Variants in ERC2 observed in about 807,000 individuals in gnomAD.
The protein encoded by ERC2 is ELKS/RAB6-interacting/CAST family member 2, also known as ERC protein 2.
A neutral mutation model predicts 114.8 loss-of-function variants in ERC2; 42 were observed. The ratio of observed to expected loss-of-function variants is 0.37; its 90% confidence interval spans 0.29 to 0.47. The LOEUF is 0.47. Among genes scored for constraint, ERC2 ranks in the 20% least tolerant of loss-of-function variants. The pLI is 0.99. For synonymous variants in ERC2, 454 were observed against 425.5 expected (o/e 1.07, Z -0.82); for missense variants, 939 against 1,150.7 (o/e 0.82, Z 2.66).
chr3:55,953,250 T>C (rs984936939), intron 12 of ERC2, among the ~76,000 whole-genome samples: 9 of 151,450 alleles, frequency 5.9e-5, no homozygotes, highest in African/African-American at 2.2e-4. Context: ...TGGGGTACTC[T>C]AGTTTTGACA....
chr3:55,903,759 T>C (rs2064272167), intron 13 of ERC2, among the ~76,000 whole-genome samples: 1 of 152,218 alleles, frequency 6.6e-6, no homozygotes, highest in South Asian at 2.1e-4. Context: ...GATAACTGTG[T>C]ACGCACAGCC....
intron 3 of ERC2, among the ~76,000 whole-genome samples, chr3:56,285,024 C>CACAT (rs1560520921): frequency 2.5e-5 from 3 of 120,766 alleles, no homozygotes; most frequent in Admixed American, 8.9e-5. Context: ...CACACACACA[C>CACAT]ACACACATAC....
At chr3:55,588,566 C>T (rs563480048) in intron 17 of ERC2, among the ~76,000 whole-genome samples, 1 of 152,302 alleles carries the variant, frequency 6.6e-6, no homozygotes, top group Non-Finnish European at 1.5e-5. Context: ...CTCACCTGTG[C>T]CCCATCCATC....
intron 15 of ERC2, among the ~76,000 whole-genome samples, chr3:55,700,770 C>T (rs2063185622): frequency 6.6e-6 from 1 of 152,150 alleles, no homozygotes; most frequent in African/African-American, 2.4e-5. Context: ...TACCATGGCT[C>T]TATAACCACA....
intron 17 of ERC2, among the ~76,000 whole-genome samples, chr3:55,590,075 T>C (rs1389847229): frequency 6.6e-6 from 1 of 152,224 alleles, no homozygotes; most frequent in Non-Finnish European, 1.5e-5. Context: ...ATACATTTTT[T>C]TGAAGGTGGC....
chr3:55,959,411 C>A (rs1253512183), intron 12 of ERC2, among the ~76,000 whole-genome samples: 1 of 152,276 alleles, frequency 6.6e-6, no homozygotes, highest in Admixed American at 6.5e-5. Context: ...TTCAGGAAGA[C>A]CCCAAGGATG....
At chr3:55,942,797 T>C (rs190806762) in intron 13 of ERC2, among the ~76,000 whole-genome samples, 1 of 152,346 alleles carries the variant, frequency 6.6e-6, no homozygotes, top group East Asian at 1.9e-4. Context: ...TTAATAGTTG[T>C]ATTTTCCTTT....
At chr3:55,972,629 G>T (rs1255688303) in intron 12 of ERC2, among the ~76,000 whole-genome samples, 1 of 152,176 alleles carries the variant, frequency 6.6e-6, no homozygotes, top group Non-Finnish European at 1.5e-5. Flanking sequence ...TGGCTGCATA[G>T]TATTCCATGG....
At chr3:55,962,072 G>C (rs974552021) in intron 12 of ERC2, among the ~76,000 whole-genome samples, 1 of 152,020 alleles carries the variant, frequency 6.6e-6, no homozygotes, top group Non-Finnish European at 1.5e-5. Flanking sequence ...TGACAACCTA[G>C]AGTTATCATT....
intron 3 of ERC2, among the ~76,000 whole-genome samples, chr3:56,238,517 C>A (rs1311351531): frequency 6.6e-6 from 1 of 152,220 alleles, no homozygotes; most frequent in African/African-American, 2.4e-5. Context: ...TTCCAACTCC[C>A]ACCTAGCCCT....
chr3:56,208,889 G>A (rs2048892413), intron 3 of ERC2, among the ~76,000 whole-genome samples: 1 of 152,112 alleles, frequency 6.6e-6, no homozygotes, highest in Non-Finnish European at 1.5e-5. Flanking sequence ...CTGCAGAATG[G>A]TCACAGCCTC....
intron 2 of ERC2, among the ~76,000 whole-genome samples, chr3:56,341,826 C>T (rs1358611821): frequency 2.0e-5 from 3 of 152,128 alleles, no homozygotes; most frequent in African/African-American, 7.2e-5. Context: ...CCTTTTATTT[C>T]TGTTTCCTAA....
chr3:56,214,390 T>A (rs2049306146), intron 3 of ERC2, among the ~76,000 whole-genome samples: 2 of 151,100 alleles, frequency 1.3e-5, no homozygotes, highest in Non-Finnish European at 2.9e-5. Context: ...AGAAAGGGTA[T>A]CAGTGATGGA....
At chr3:56,095,632 C>T (rs2078022214) in intron 6 of ERC2, among the ~76,000 whole-genome samples, 1 of 152,182 alleles carries the variant, frequency 6.6e-6, no homozygotes, top group South Asian at 2.1e-4. Context: ...TAAATGAACA[C>T]ATTTGTCAAT....
At chr3:56,225,837 T>C (rs59521033) in intron 3 of ERC2, among the ~76,000 whole-genome samples, 2,703 of 152,236 alleles carry the variant, frequency 0.018, 90 homozygotes, top group East Asian at 0.15. Flanking sequence ...TGTCATCCTA[T>C]TGATGCTTCC....
intron 14 of ERC2, among the ~76,000 whole-genome samples, chr3:55,749,551 T>C (rs1443342612): frequency 6.6e-6 from 1 of 152,114 alleles, no homozygotes; most frequent in African/African-American, 2.4e-5. Flanking sequence ...AATGCACCAA[T>C]CAGTGCTCTG....
chr3:55,773,821 G>C (rs116489551), intron 14 of ERC2, among the ~76,000 whole-genome samples: 1 of 152,312 alleles, frequency 6.6e-6, no homozygotes, highest in Non-Finnish European at 1.5e-5. Flanking sequence ...GAGAAAAACT[G>C]TAAGTATATT....
intron 14 of ERC2, among the ~76,000 whole-genome samples, chr3:55,856,741 T>C (rs2061803638): frequency 6.6e-6 from 1 of 152,188 alleles, no homozygotes; most frequent in Admixed American, 6.5e-5. Flanking sequence ...GTATTATTCA[T>C]AATAGCTAAA....
rs899087829 is a variant in ERC2, at chr3:56,184,057, T to C, written c.1075-10537A>G. Among the ~76,000 whole-genome samples the C allele has an allele frequency of 7.2e-5, 11 of 152,168 alleles. 1 individual carries two copies. Among genetic ancestry groups the C allele is most frequent in the African/African-American group, 2.2e-4 (9 of 41,440 alleles). On this transcript the variant is annotated intron_variant, in intron 3 of 17. Transcript: ENST00000288221. Reference sequence around the variant, plus strand: ...ATGGACATTTGGGAGCCTAAAACTATGCTATCTGAATCTCTGTGCATGTAC... The same window carrying C: ...ATGGACATTTGGGAGCCTAAAACTACGCTATCTGAATCTCTGTGCATGTAC...
Sources: gnomAD v4.1 joint callset for allele counts (sites outside exome capture counted in the v4.1 genomes callset) on GRCh38, gnomAD v4.1.1 for gene constraint, MANE v1.5 for transcripts, NCBI Gene and HGNC (gene_info 2026-07-23, HGNC 2026-07-21) for gene names.